ARFGEF1: variants seen among roughly 807,000 people sequenced by gnomAD.
The protein encoded by ARFGEF1 is brefeldin A-inhibited guanine nucleotide-exchange protein 1.
In ARFGEF1, 42 loss-of-function variants were observed where a neutral mutation model predicts 231.0. The ratio of observed to expected loss-of-function variants is 0.18; its 90% CI spans 0.14 to 0.24. The LOEUF is 0.24. ARFGEF1 is among the 10% of genes least tolerant of loss of function. ARFGEF1 has a pLI of 1.00. For missense variants in ARFGEF1, 1,345 were observed against 2,192.0 expected (o/e 0.61, Z 7.72); for synonymous variants, 710 against 732.3 (o/e 0.97, Z 0.49).
chr8:67,235,864 C>T (rs1839714882), intron 22 of ARFGEF1, among the ~76,000 whole-genome samples: 1 of 151,914 alleles, frequency 6.6e-6, no homozygotes, highest in African/African-American at 2.4e-5. Context: ...ACTATGTATT[C>T]TTAATAACTG....
At chr8:67,292,678 T>C (rs1434055289) in intron 5 of ARFGEF1, among the ~76,000 whole-genome samples, 1 of 152,138 alleles carries the variant, frequency 6.6e-6, no homozygotes, top group Non-Finnish European at 1.5e-5. Context: ...TATCTACAAA[T>C]GTCTGAATTT....
chr8:67,201,715 G>T, intron 36 of ARFGEF1, 110 bp from the exon 37 acceptor site: 1 of 1,448,956 alleles, frequency 6.9e-7, no homozygotes, highest in Non-Finnish European at 9.4e-7. Context: ...AGCATCTGCT[G>T]CTTACAAAAC....
downstream of ARFGEF1, among the ~76,000 whole-genome samples, chr8:67,194,658 C>T (rs1586978115): frequency 6.7e-6 from 1 of 149,196 alleles, no homozygotes; most frequent in Non-Finnish European, 1.5e-5. Context: ...ATTGACTGCA[C>T]ATACCAATCC....
At chr8:67,285,884 A>T (rs1407824064) in intron 7 of ARFGEF1, among the ~76,000 whole-genome samples, 2 of 152,182 alleles carry the variant, frequency 1.3e-5, no homozygotes, top group Non-Finnish European at 2.9e-5. Context: ...CAAAAAAGCA[A>T]ATGTCATGAA....
intron 29 of ARFGEF1, among the ~76,000 whole-genome samples, chr8:67,222,164 CATATATATATATATACACAT>C (rs1174154426): frequency 2.5e-5 from 3 of 119,148 alleles, no homozygotes; most frequent in African/African-American, 3.8e-5. Flanking sequence ...CTTTTCCATG[CATATATATATATATACACAT>C]ATATATATAT....
At chr8:67,333,518 T>C (rs1808202870) in intron 1 of ARFGEF1, among the ~76,000 whole-genome samples, 1 of 152,040 alleles carries the variant, frequency 6.6e-6, no homozygotes, top group Admixed American at 6.6e-5. Context: ...TTAGCCATGT[T>C]ACCCAGGTTG....
At position 67,266,737 on chromosome 8, in the gene ARFGEF1, T is replaced by C. The variant is rs1804869091; in HGVS notation, c.1921+139A>G. 8 of 567,962 alleles carry C rather than the reference T, an allele frequency of 1.4e-5. No homozygotes were observed. The Admixed American group carries it at 2.2e-4, about 15-fold the overall frequency. 35.2% of individuals were successfully genotyped at this position (567,962 alleles called of 1,614,324 possible). On this transcript the variant is annotated intron_variant, in intron 13 of 38. Transcript: ENST00000262215. ...AATCTCACAATTTTAAAGCTAGACA[T>C]TTAACTCACAGAGAATGTTTCCTCA... is the stretch of plus-strand genomic sequence containing the variant.
At chr8:67,194,567 A>C (rs1194485161), downstream of ARFGEF1, among the ~76,000 whole-genome samples, 1 of 152,154 alleles carries the variant, frequency 6.6e-6, no homozygotes, top group Non-Finnish European at 1.5e-5. Context: ...GCATTTTAAG[A>C]ATCTTTTTCA....
Position 67,235,070 on chromosome 8 carries a change from G to GTA in ARFGEF1, c.3290-2127_3290-2126dup, listed in dbSNP as rs374307984. On this transcript the variant is annotated intron_variant, in intron 22 of 38. Transcript: ENST00000262215. ...GTGGGGAAAAAATATGTGTATGTGTGTATATATATATATATGTGTGTGTGT... is the reference window on the plus strand; with the variant it reads ...GTGGGGAAAAAATATGTGTATGTGTGTATATATATATATATATGTGTGTGTGT... Among the ~76,000 whole-genome samples the GTA allele has an allele frequency of 8.8e-3, 1,289 of 146,950 alleles. 7 individuals are homozygous for GTA. Among genetic ancestry groups the GTA allele is most frequent in the African/African-American group, 0.019 (775 of 40,296 alleles).
chr8:67,278,873 C>T (rs1236424200), intron 7 of ARFGEF1, among the ~76,000 whole-genome samples: 1 of 152,180 alleles, frequency 6.6e-6, no homozygotes, highest in Non-Finnish European at 1.5e-5. Context: ...AACTGTTACA[C>T]TGAAAACAGA....
At chr8:67,263,121 T>C (rs1397872107) in intron 14 of ARFGEF1, among the ~76,000 whole-genome samples, 1 of 152,158 alleles carries the variant, frequency 6.6e-6, no homozygotes, top group Non-Finnish European at 1.5e-5. Context: ...ATATATCATA[T>C]CCCATTCCCT....
intron 3 of ARFGEF1, 27 bp from the exon 4 acceptor site, chr8:67,299,382 C>T (rs1373581467): frequency 1.9e-6 from 3 of 1,591,842 alleles, no homozygotes; most frequent in East Asian, 4.5e-5. Context: ...AAACAAAGAT[C>T]CTAAGTAAGG....
chr8:67,271,212 TAAAAAA>T (rs965200685), intron 10 of ARFGEF1, among the ~76,000 whole-genome samples: 7 of 150,554 alleles, frequency 4.6e-5, no homozygotes, highest in African/African-American at 1.7e-4. Context: ...ATATATACAT[TAAAAAA>T]AAAGTACAAA....
intron 1 of ARFGEF1, among the ~76,000 whole-genome samples, chr8:67,303,877 A>C (rs905215626): frequency 2.0e-5 from 3 of 152,160 alleles, no homozygotes; most frequent in Admixed American, 2.0e-4. Flanking sequence ...ACATGCAACT[A>C]ATGTATTTAT....
chr8:67,327,312 C>T (rs116059486), intron 1 of ARFGEF1, among the ~76,000 whole-genome samples: 2,283 of 149,788 alleles, frequency 0.015, 62 homozygotes, highest in African/African-American at 0.054. Context: ...TCCTCGATGA[C>T]GTACGTCTTT....
At chr8:67,324,915 CT>C (rs71249434) in intron 1 of ARFGEF1, among the ~76,000 whole-genome samples, 353 of 143,528 alleles carry the variant, frequency 2.5e-3, no homozygotes, top group African/African-American at 4.8e-3. Flanking sequence ...AAAAAATCCA[CT>C]TTTTTTTTTT....
chr8:67,292,509 G>C (rs1214044758), intron 5 of ARFGEF1, among the ~76,000 whole-genome samples: 4 of 152,066 alleles, frequency 2.6e-5, no homozygotes, highest in Admixed American at 2.6e-4. Context: ...TGGAAAACAA[G>C]AGTGGGAGGC....
chr8:67,306,417 T>C lies in ARFGEF1; in HGVS notation c.125-3951A>G, dbSNP rs368155313. Among the ~76,000 whole-genome samples the C allele has an allele frequency of 2.2e-4, 34 of 152,352 alleles. 1 individual carries two copies. In the East Asian group the frequency reaches 2.3e-3, roughly 10 times the overall value. Reference sequence around the variant, plus strand: ...TATTTTCTAGCCAAATCAACACTGTTTATAAGGCACAGGACACATTTAATA... The same window carrying C: ...TATTTTCTAGCCAAATCAACACTGTCTATAAGGCACAGGACACATTTAATA... On this transcript the variant is annotated intron_variant, in intron 1 of 38. Coordinates refer to ENST00000262215, the MANE Select transcript of ARFGEF1 (RefSeq NM_006421.5).
chr8:67,175,428 G>A, downstream of ARFGEF1: 1 of 1,614,138 alleles, frequency 6.2e-7, no homozygotes, highest in Non-Finnish European at 8.5e-7. Flanking sequence ...ATGCAGGAAG[G>A]TGCCAAAGGT....
Sources: gnomAD v4.1 joint callset for allele counts (sites outside exome capture counted in the v4.1 genomes callset) on GRCh38, gnomAD v4.1.1 for gene constraint, MANE v1.5 for transcripts, NCBI Gene and HGNC (gene_info 2026-07-23, HGNC 2026-07-21) for gene names.